Variants in TIAM1 observed in about 807,000 individuals in gnomAD.
The protein encoded by TIAM1 is rho guanine nucleotide exchange factor TIAM1.
In TIAM1, 65 loss-of-function variants were observed where a neutral mutation model predicts 163.5. That is an observed-to-expected ratio of 0.40 (90% CI 0.33 to 0.49). TIAM1 has a LOEUF of 0.49. Among genes scored for constraint, TIAM1 ranks in the 20% least tolerant of loss-of-function variants. The probability of loss-of-function intolerance (pLI) is 0.77; values close to 1 mark genes in which losing one functional copy is unlikely to be tolerated. For synonymous variants in TIAM1, 833 were observed against 810.1 expected, an observed-to-expected ratio of 1.03 and a Z score of -0.48; for missense variants, 1,789 against 2,044.7, an observed-to-expected ratio of 0.87 and a Z score of 2.41.
chr21:31,460,734 CTG>C (rs1455640346), intron 2 of TIAM1, among the ~76,000 whole-genome samples: 3 of 152,224 alleles, frequency 2.0e-5, no homozygotes, highest in African/African-American at 7.2e-5. Context: ...ACTTCAAAGA[CTG>C]TTAATTACAC....
intron 1 of TIAM1, among the ~76,000 whole-genome samples, chr21:31,475,025 T>TTTATTATTATTATTA (rs550390061): frequency 0.041 from 4,851 of 118,548 alleles, 209 homozygotes; most frequent in East Asian, 0.17. Context: ...GAGCTAGTTT[T>TTTATTATTATTATTA]TTATTATTAT....
At chr21:31,441,394 C>T (rs1478478494) in intron 2 of TIAM1, among the ~76,000 whole-genome samples, 1 of 152,184 alleles carries the variant, frequency 6.6e-6, no homozygotes, top group Non-Finnish European at 1.5e-5. Flanking sequence ...CATGGCTTGA[C>T]TCTAGCCAAT....
chr21:31,142,463 CAAAA>C (rs34368848), intron 20 of TIAM1, among the ~76,000 whole-genome samples: 1 of 49,926 alleles, frequency 2.0e-5, no homozygotes, highest in Non-Finnish European at 3.3e-5. Context: ...ACTAAAAATA[CAAAA>C]AAAAAAAAAA....
At chr21:31,273,224 C>A (rs1347851564) in intron 3 of TIAM1, among the ~76,000 whole-genome samples, 1 of 152,128 alleles carries the variant, frequency 6.6e-6, no homozygotes, top group Non-Finnish European at 1.5e-5. Context: ...ATGGCACAGG[C>A]AACAAAAACT....
intron 8 of TIAM1, among the ~76,000 whole-genome samples, chr21:31,220,401 G>A (rs535015287): frequency 6.6e-6 from 1 of 152,086 alleles, no homozygotes; most frequent in East Asian, 1.9e-4. Context: ...TATATAACAC[G>A]GTGACAACAA....
intron 1 of TIAM1, among the ~76,000 whole-genome samples, chr21:31,535,206 C>A (rs899392062): frequency 6.6e-6 from 1 of 151,558 alleles, no homozygotes; most frequent in Non-Finnish European, 1.5e-5. Context: ...TATGGTGAAA[C>A]CCTGTCTCTA....
intron 15 of TIAM1, among the ~76,000 whole-genome samples, chr21:31,165,509 G>A (rs76678087): frequency 0.014 from 2,174 of 152,172 alleles, 57 homozygotes; most frequent in African/African-American, 0.05. Context: ...AAAGGCAGCC[G>A]TCTGTAAGCC....
chr21:31,244,730 A>C lies in TIAM1; in HGVS notation c.1584+758T>G, dbSNP rs145923593. 6.2e-3 allele frequency among the ~76,000 whole-genome samples: 948 copies of C among 152,332 alleles called. 4 individuals carry two copies. Among genetic ancestry groups the C allele is most frequent in the African/African-American group, 0.022 (904 of 41,564 alleles). ...GACAAAGCAAGGCTTCATCTCAAAA[A>C]AAGAGAGGAACTGTCAAAATCTTCT... On this transcript the variant is annotated intron_variant, in intron 6 of 27. Transcript: ENST00000541036.
chr21:31,447,692 C>T (rs534448249), intron 2 of TIAM1, among the ~76,000 whole-genome samples: 1 of 152,298 alleles, frequency 6.6e-6, no homozygotes, highest in South Asian at 2.1e-4. Context: ...CAGATGCCTG[C>T]TGGCCTGAGA....
chr21:31,387,227 G>C (rs1219129087), intron 2 of TIAM1, among the ~76,000 whole-genome samples: 2 of 128,618 alleles, frequency 1.6e-5, no homozygotes, highest in African/African-American at 6.0e-5. Context: ...TTTTGGAGGT[G>C]GGGGGCACAG....
chr21:31,462,341 A>G (rs1240890770), intron 2 of TIAM1, among the ~76,000 whole-genome samples: 1 of 152,196 alleles, frequency 6.6e-6, no homozygotes, highest in African/African-American at 2.4e-5. Flanking sequence ...GGGTGCTAGA[A>G]AGGAGGAGTG....
intron 26 of TIAM1, 29 bp downstream of exon 26, chr21:31,127,035 AC>A: frequency 6.2e-7 from 1 of 1,609,498 alleles, no homozygotes; most frequent in Non-Finnish European, 8.5e-7. Flanking sequence ...AAATGTCAAC[AC>A]GGCCTCGACT....
At chr21:31,464,848 A>G (rs1042783340) in intron 1 of TIAM1, among the ~76,000 whole-genome samples, 19 of 57,606 alleles carry the variant, frequency 3.3e-4, no homozygotes, top group African/African-American at 8.4e-4. Context: ...GTCTCGGGAA[A>G]AAAAAAAAAA....
At chr21:31,333,548 C>T (rs1205122805) in intron 2 of TIAM1, among the ~76,000 whole-genome samples, 1 of 152,168 alleles carries the variant, frequency 6.6e-6, no homozygotes, top group East Asian at 1.9e-4. Flanking sequence ...AGCAATCCTC[C>T]CGCCTCAGCT....
At chr21:31,265,977 C>T in intron 4 of TIAM1, 33 bp downstream of exon 4, 6 of 1,601,934 alleles carry the variant, frequency 3.7e-6, no homozygotes, top group Non-Finnish European at 5.1e-6. Context: ...TGCACCATTC[C>T]CAAAATATTG....
chr21:31,394,728 T>TCTCACACACACACA (rs1279053911), intron 2 of TIAM1, among the ~76,000 whole-genome samples: 1 of 95,702 alleles, frequency 1.0e-5, no homozygotes, highest in Non-Finnish European at 2.1e-5. Flanking sequence ...TCTCTCTCTC[T>TCTCACACACACACA]CACACACACA....
At chr21:31,174,637 G>A (rs1047230980) in intron 15 of TIAM1, among the ~76,000 whole-genome samples, 1 of 152,166 alleles carries the variant, frequency 6.6e-6, no homozygotes, top group Non-Finnish European at 1.5e-5. Context: ...TTTTAAAATT[G>A]TTACCTTTTT....
At chr21:31,151,029 C>G (rs2083346405) in intron 19 of TIAM1, among the ~76,000 whole-genome samples, 1 of 152,158 alleles carries the variant, frequency 6.6e-6, no homozygotes, top group African/African-American at 2.4e-5. Context: ...AAATTAGAAC[C>G]ATAATGAGCT....
intron 9 of TIAM1, among the ~76,000 whole-genome samples, chr21:31,217,206 C>CAAAA (rs113271826): frequency 1.6e-5 from 2 of 127,486 alleles, no homozygotes; most frequent in African/African-American, 5.5e-5. Flanking sequence ...ACTCTGTCTC[C>CAAAA]AAAAAAAAAA....
Sources: gnomAD v4.1 joint callset for allele counts (sites outside exome capture counted in the v4.1 genomes callset) on GRCh38, gnomAD v4.1.1 for gene constraint, MANE v1.5 for transcripts, NCBI Gene and HGNC (gene_info 2026-07-23, HGNC 2026-07-21) for gene names.